Variants in FAM153A observed in about 807,000 individuals in gnomAD.
FAM153A encodes the protein protein FAM153A.
In FAM153A, 12 loss-of-function variants were observed where a neutral mutation model predicts 48.1. The ratio of observed to expected loss-of-function variants is 0.25; its 90% CI spans 0.16 to 0.40. FAM153A has a LOEUF of 0.40. Among genes scored for constraint, FAM153A ranks in the 10% least tolerant of loss-of-function variants. FAM153A has a pLI of 1.00. For missense variants in FAM153A, 111 were observed against 345.8 expected (o/e 0.32, Z 5.38); for synonymous variants, 36 against 118.2 (o/e 0.30, Z 4.51).
intron 1 of FAM153A, chr5:177,779,471 T>C (rs902464182): frequency 1.9e-5 from 2 of 104,900 alleles, no homozygotes; most frequent in African/African-American, 6.7e-5. Context: ...TAATCTCCTA[T>C]TCGTATGGGT....
At chr5:177,751,661 T>C (rs1479437789) in intron 1 of FAM153A, among the ~76,000 whole-genome samples, 1 of 148,260 alleles carries the variant, frequency 6.7e-6, no homozygotes, top group African/African-American at 2.5e-5. Context: ...CCCAGAGAGA[T>C]GGGCAGAGCA....
the FAM153A span, among the ~76,000 whole-genome samples, chr5:177,699,613 G>A: frequency 6.6e-6 from 1 of 152,250 alleles, no homozygotes. Context: ...TAGATGAAAT[G>A]AACAAGTTTC....
At chr5:177,702,415 A>G in the FAM153A span, among the ~76,000 whole-genome samples, 1 of 151,870 alleles carries the variant, frequency 6.6e-6, no homozygotes, top group East Asian at 1.9e-4. Context: ...AATGACCTAA[A>G]GTTGGAACTT....
At chr5:177,749,159 T>C (rs1216277176) in intron 2 of FAM153A, among the ~76,000 whole-genome samples, 1 of 150,708 alleles carries the variant, frequency 6.6e-6, no homozygotes, top group Non-Finnish European at 1.5e-5. Context: ...ATTATTTTAA[T>C]AATCAAGTGC....
At chr5:177,707,884 C>T (rs1758003477), downstream of FAM153A, 1 of 151,970 alleles carries the variant, frequency 6.6e-6, no homozygotes, top group Non-Finnish European at 1.5e-5. Context: ...TTTAAAGCCG[C>T]AGCAGAAGGG....
chr5:177,737,374 C>T (rs996808555), intron 10 of FAM153A, among the ~76,000 whole-genome samples: 26 of 151,316 alleles, frequency 1.7e-4, no homozygotes, highest in Admixed American at 4.6e-4. Flanking sequence ...CAGGGCACAC[C>T]ACACAGTGTT....
In FAM153A at chr5:177,776,525, G is replaced by A. The variant is rs1489606389; in HGVS notation, c.-57+3924C>T. ...CTCCCATTCACAATTGCTTCAAAGA[G>A]AATAAAATACCTAGGAATCCAACTT... On this transcript the variant is annotated intron_variant, in intron 1 of 8. Coordinates refer to the FAM153A transcript ENST00000393518. Among the ~76,000 whole-genome samples the A allele has an allele frequency of 2.9e-5, 2 of 70,080 alleles. 1 individual carries two copies. Among genetic ancestry groups the A allele is most frequent in the East Asian group, 9.2e-4 (2 of 2,178 alleles). The allele number at this position is 70,080 out of a possible 152,430, so 46.0% of individuals were successfully genotyped here.
chr5:177,754,470 A>T (rs553586911), upstream of FAM153A, among the ~76,000 whole-genome samples: 160 of 152,018 alleles, frequency 1.1e-3, 3 homozygotes, highest in South Asian at 0.028. Context: ...TCCCTGTCTG[A>T]CAGCTTTGAA....
chr5:177,711,202 A>C (rs751585396), exon 27 of FAM153A: 9 of 151,868 alleles, frequency 5.9e-5, no homozygotes, highest in Non-Finnish European at 1.3e-4. Context: ...ACTTCTGAAG[A>C]CTGTACTGGA....
At chr5:177,753,797 T>C (rs1246327465), upstream of FAM153A, among the ~76,000 whole-genome samples, 2 of 151,630 alleles carry the variant, frequency 1.3e-5, no homozygotes, top group South Asian at 2.1e-4. Context: ...TCACAAGTTT[T>C]AAGAACTATT....
intron 12 of FAM153A, 135 bp downstream of exon 14, chr5:177,736,444 C>T: frequency 8.7e-7 from 1 of 1,144,148 alleles, no homozygotes; most frequent in South Asian, 1.5e-5. Context: ...TTCTTTTAAA[C>T]CAAACTTCCC....
chr5:177,713,603 A>AGAT (rs1210451766), intron 26 of FAM153A: 1 of 151,398 alleles, frequency 6.6e-6, no homozygotes, highest in African/African-American at 2.4e-5. Flanking sequence ...GGTGCTGAGG[A>AGAT]GATGATGTTG....
chr5:177,699,933 A>G, the FAM153A span, among the ~76,000 whole-genome samples: 1 of 151,966 alleles, frequency 6.6e-6, no homozygotes, highest in Non-Finnish European at 1.5e-5. Context: ...AATATCTCCT[A>G]TGAATTTAGA....
intron 1 of FAM153A, among the ~76,000 whole-genome samples, chr5:177,768,810 A>G (rs1768917624): frequency 9.0e-6 from 1 of 111,462 alleles, no homozygotes; most frequent in Non-Finnish European, 1.9e-5. Flanking sequence ...TTAGTCATCA[A>G]CACGGTCTCC....
At chr5:177,711,684 C>G (rs1454105135) in exon 27 of FAM153A, 2 of 151,890 alleles carry the variant, frequency 1.3e-5, no homozygotes, top group Non-Finnish European at 2.9e-5. Context: ...AGATTAGATT[C>G]TTCCAGAAAA....
intron 4 of FAM153A, among the ~76,000 whole-genome samples, chr5:177,746,627 T>C (rs1766049749): frequency 6.7e-6 from 1 of 150,140 alleles, no homozygotes. Flanking sequence ...TAGCCTGTGA[T>C]ATTTGTCCTT....
intron 1 of FAM153A, among the ~76,000 whole-genome samples, chr5:177,766,032 G>A (rs6878436): frequency 2.8e-5 from 3 of 108,496 alleles, no homozygotes; most frequent in Admixed American, 1.9e-4. Flanking sequence ...CAGGAGAATC[G>A]CTTGAACTCG....
intron 2 of FAM153A, among the ~76,000 whole-genome samples, chr5:177,749,846 A>G (rs1766589537): frequency 7.1e-6 from 1 of 141,700 alleles, no homozygotes; most frequent in South Asian, 2.3e-4. Flanking sequence ...AATTCTGCCT[A>G]ACACAATGGA....
At chr5:177,704,713 T>C (rs1168750824), downstream of FAM153A, among the ~76,000 whole-genome samples, 1 of 151,714 alleles carries the variant, frequency 6.6e-6, no homozygotes, top group African/African-American at 2.4e-5. Flanking sequence ...TTTAAAAGTA[T>C]ATAGGCCCCA....
Sources: allele counts gnomAD v4.1 joint callset (sites outside exome capture counted in the v4.1 genomes callset), GRCh38; gene constraint gnomAD v4.1.1; transcripts MANE v1.5; gene names NCBI Gene and HGNC (gene_info 2026-07-23, HGNC 2026-07-21).